Variants in MAN1A1 observed in about 807,000 individuals in gnomAD.
MAN1A1 encodes mannosidase alpha class 1A member 1.
Under a neutral mutation model 70.8 loss-of-function variants are expected in MAN1A1, and 29 were observed. The ratio of observed to expected loss-of-function variants is 0.41; its 90% CI spans 0.31 to 0.56. The LOEUF (loss-of-function observed/expected upper bound fraction) is 0.56, where lower values mean the gene tolerates loss of function less well. Ranked by LOEUF, MAN1A1 falls within the 20% of genes least tolerant of loss-of-function variation. The probability of loss-of-function intolerance (pLI) is 0.29; values close to 1 mark genes in which losing one functional copy is unlikely to be tolerated. For synonymous variants in MAN1A1, 349 were observed against 330.1 expected, an observed-to-expected ratio of 1.06 and a Z score of -0.62; for missense variants, 747 against 841.3, an observed-to-expected ratio of 0.89 and a Z score of 1.39.
At chr6:119,193,187 C>T (rs1382571205) in intron 9 of MAN1A1, among the ~76,000 whole-genome samples, 1 of 150,726 alleles carries the variant, frequency 6.6e-6, no homozygotes, top group African/African-American at 2.5e-5. Flanking sequence ...AACCCAACTC[C>T]ACCGCTTCAT....
chr6:119,345,046 A>T (rs1773689923), intron 2 of MAN1A1, among the ~76,000 whole-genome samples: 1 of 152,054 alleles, frequency 6.6e-6, no homozygotes, highest in Non-Finnish European at 1.5e-5. Flanking sequence ...CCCCTCTGAC[A>T]ACCTGACTGT....
chr6:119,221,948 AC>A (rs1181147591), intron 6 of MAN1A1, among the ~76,000 whole-genome samples: 1 of 152,184 alleles, frequency 6.6e-6, no homozygotes, highest in Non-Finnish European at 1.5e-5. Context: ...ATATTAATAT[AC>A]TTTTGGGAAA....
chr6:119,241,731 T>C (rs1029580985), intron 6 of MAN1A1, among the ~76,000 whole-genome samples: 1 of 152,118 alleles, frequency 6.6e-6, no homozygotes, highest in African/African-American at 2.4e-5. Flanking sequence ...GCAACTGAGA[T>C]GAGAAATAAA....
At chr6:119,307,538 G>C (rs1772565991) in intron 2 of MAN1A1, among the ~76,000 whole-genome samples, 1 of 152,108 alleles carries the variant, frequency 6.6e-6, no homozygotes, top group South Asian at 2.1e-4. Flanking sequence ...ATTATGCCTA[G>C]ATTTTGGAAA....
chr6:119,202,147 CTT>C (rs1773730785), intron 7 of MAN1A1, among the ~76,000 whole-genome samples: 1 of 152,054 alleles, frequency 6.6e-6, no homozygotes, highest in Non-Finnish European at 1.5e-5. Context: ...AATTTTGACT[CTT>C]TTGTAATAAC....
intron 6 of MAN1A1, among the ~76,000 whole-genome samples, chr6:119,224,983 CG>C (rs1774465750): frequency 6.6e-6 from 1 of 151,764 alleles, no homozygotes; most frequent in Non-Finnish European, 1.5e-5. Flanking sequence ...AAAAATTAGC[CG>C]GGCATGGTGG....
At chr6:119,336,205 G>A (rs1773446667) in intron 2 of MAN1A1, among the ~76,000 whole-genome samples, 1 of 152,154 alleles carries the variant, frequency 6.6e-6, no homozygotes, top group Non-Finnish European at 1.5e-5. Context: ...GAGTAGCTGG[G>A]ACTACAGGCT....
intron 2 of MAN1A1, among the ~76,000 whole-genome samples, chr6:119,326,282 T>C (rs1248731135): frequency 1.3e-5 from 2 of 152,216 alleles, no homozygotes; most frequent in Non-Finnish European, 2.9e-5. Context: ...AGCTGTGTCC[T>C]GGCTCCTCAC....
rs1227287996 is a variant in MAN1A1, at chr6:119,349,194, A to C, written c.-129T>G. Reference sequence around the variant, plus strand: ...CCCGACCCCCTCGGCTGGGCTGCGGATCCTCCCTGGGGGAACAACTCCGCG... The same window carrying C: ...CCCGACCCCCTCGGCTGGGCTGCGGCTCCTCCCTGGGGGAACAACTCCGCG... On this transcript the variant is annotated 5_prime_UTR_variant, in exon 2 of 13. Transcript: ENST00000368468. 1.6e-6 allele frequency: 2 copies of C among 1,227,090 alleles called. No individual in the cohort carries two copies. The highest frequency in any genetic ancestry group is 2.0e-6 in the Non-Finnish European group (2 of 985,900). 76.0% of individuals were successfully genotyped at this position (1,227,090 alleles called of 1,614,324 possible). A position where few individuals can be genotyped will look rare whatever the true frequency, so the allele number is the denominator to read the frequency against.
intron 6 of MAN1A1, among the ~76,000 whole-genome samples, chr6:119,231,631 C>T (rs1035983167): frequency 1.3e-5 from 2 of 152,174 alleles, no homozygotes; most frequent in African/African-American, 4.8e-5. Context: ...CAAAGGTCTC[C>T]TCATTCCCTG....
chr6:119,293,858 A>G (rs1285506893), intron 4 of MAN1A1, among the ~76,000 whole-genome samples: 1 of 152,114 alleles, frequency 6.6e-6, no homozygotes, highest in Non-Finnish European at 1.5e-5. Context: ...CTGATTTGGA[A>G]GCCATCTGAG....
intron 3 of MAN1A1, among the ~76,000 whole-genome samples, chr6:119,303,798 A>G (rs527572411): frequency 6.6e-6 from 1 of 152,296 alleles, no homozygotes; most frequent in East Asian, 1.9e-4. Flanking sequence ...TGCAGATCTT[A>G]TACTCAGGCA....
intron 11 of MAN1A1, among the ~76,000 whole-genome samples, chr6:119,181,002 AC>A (rs1233550657): frequency 3.3e-5 from 5 of 152,326 alleles, no homozygotes; most frequent in African/African-American, 1.2e-4. Context: ...ACTGATTTTT[AC>A]CAATTCCCCC....
At chr6:119,350,487 A>C, upstream of MAN1A1, 1 of 983,080 alleles carries the variant, frequency 1.0e-6, no homozygotes, top group Non-Finnish European at 1.2e-6. Context: ...AAAAACTTGT[A>C]TGTCTCTCCC....
In MAN1A1 at chr6:119,189,732, A is replaced by G; in HGVS notation, c.1478T>C (p.Met493Thr). The change falls in exon 10 of 13, where the codon ATG becomes ACG. Residue 493 changes from methionine (M) to threonine (T), a missense_variant. Around this residue, in one of 2 missense-constraint regions of MAN1A1, gnomAD observed 419 missense variants for 548.2 expected, o/e 0.76. Coordinates refer to ENST00000368468, the MANE Select transcript of MAN1A1 (RefSeq NM_005907.4). ...CCCGAGTTCAAGGTAGTGTTGGGCC[A>G]TGCCTTCGGGAGCTGCATCAGCCCC... Reference protein sequence around the residue: ...ALGADAAPEGMAQHYLELGAE... With the variant: ...ALGADAAPEGTAQHYLELGAE... The G allele has an allele frequency of 6.2e-7, 1 of 1,614,118 alleles. No homozygotes were observed. The highest frequency in any genetic ancestry group is 8.5e-7 in the Non-Finnish European group (1 of 1,180,024).
At chr6:119,226,233 A>G (rs563671336) in intron 6 of MAN1A1, among the ~76,000 whole-genome samples, 16 of 152,344 alleles carry the variant, frequency 1.1e-4, no homozygotes, top group African/African-American at 3.8e-4. Flanking sequence ...ACACACATAC[A>G]CAAAGCACAG....
intron 1 of MAN1A1, 84 bp downstream of exon 1, chr6:119,349,458 T>A: frequency 2.2e-6 from 2 of 929,516 alleles, no homozygotes; most frequent in Non-Finnish European, 2.6e-6. Flanking sequence ...GGTGAAGTTA[T>A]CAGGTCCCGT....
rs182728669 is a variant in MAN1A1, at chr6:119,180,289, G to A, written c.1835+23C>T. The stretch of plus-strand genomic sequence containing the variant: ...TCTGTTCAGGTACCTTAGCCACATG[G>A]TTTTAGAATAATTTTCACCTACTTC... On this transcript the variant is annotated intron_variant, in intron 12 of 12. Transcript: ENST00000368468. The A allele has an allele frequency of 1.9e-4, 293 of 1,538,736 alleles. 1 individual carries two copies. In the African/African-American group the frequency reaches 3.6e-3, roughly 19 times the overall value.
intron 5 of MAN1A1, among the ~76,000 whole-genome samples, chr6:119,273,645 G>A (rs1251252578): frequency 6.6e-6 from 1 of 152,122 alleles, no homozygotes; most frequent in Non-Finnish European, 1.5e-5. Context: ...AGTAACTGGA[G>A]CTAAAAGGAT....
Sources: gnomAD v4.1 joint callset for allele counts (sites outside exome capture counted in the v4.1 genomes callset) on GRCh38, gnomAD v4.1.1 for gene constraint, gnomAD v4.1.1 regional missense constraint, MANE v1.5 for transcripts, NCBI Gene and HGNC (gene_info 2026-07-23, HGNC 2026-07-21) for gene names.